Variants in MEI4 observed in about 807,000 individuals in gnomAD.
MEI4 encodes the protein meiosis-specific protein MEI4.
Under a neutral mutation model 31.4 loss-of-function variants are expected in MEI4, and 27 were observed. That is an observed-to-expected ratio of 0.86 (90% CI 0.63 to 1.19). The LOEUF is 1.19. MEI4 is among the 50% of genes most tolerant of loss of function. MEI4 has a pLI of 0.00. For synonymous variants in MEI4, 122 were observed against 145.4 expected, an observed-to-expected ratio of 0.84 and a Z score of 1.16; for missense variants, 329 against 398.9, an observed-to-expected ratio of 0.82 and a Z score of 1.49.
chr6:77,869,279 G>T (rs1437218311), intron 4 of MEI4, among the ~76,000 whole-genome samples: 1 of 152,152 alleles, frequency 6.6e-6, no homozygotes, highest in Non-Finnish European at 1.5e-5. Flanking sequence ...AGAATAATCA[G>T]TTATGACATT....
chr6:77,764,267 A>C (rs1211494941), intron 3 of MEI4, among the ~76,000 whole-genome samples: 1 of 152,156 alleles, frequency 6.6e-6, no homozygotes, highest in African/African-American at 2.4e-5. Flanking sequence ...ATAATTGTTC[A>C]TAATACTTCC....
At chr6:77,791,103 C>G (rs1274035648) in intron 3 of MEI4, among the ~76,000 whole-genome samples, 2 of 151,996 alleles carry the variant, frequency 1.3e-5, no homozygotes, top group South Asian at 4.2e-4. Context: ...ACTAGTTCAA[C>G]CATTGTGGAA....
chr6:77,771,703 C>T lies in MEI4; in HGVS notation c.768+10038C>T, dbSNP rs1055811777. On this transcript the variant is annotated intron_variant, in intron 3 of 4. Coordinates refer to ENST00000684080, the MANE Select transcript of MEI4 (RefSeq NM_001322247.2). Reference sequence around the variant, plus strand: ...ACAAAGCAACAGAAATGAAATATTACATGTTCTCACTTATAAATGGGAGCT... The same window carrying T: ...ACAAAGCAACAGAAATGAAATATTATATGTTCTCACTTATAAATGGGAGCT... Among the ~76,000 whole-genome samples, 5 of 152,042 alleles carry T rather than the reference C, an allele frequency of 3.3e-5. 1 individual carries two copies. Among genetic ancestry groups the T allele is most frequent in the African/African-American group, 1.2e-4 (5 of 41,430 alleles).
chr6:77,883,807 G>A (rs1771559258), intron 4 of MEI4, among the ~76,000 whole-genome samples: 1 of 134,722 alleles, frequency 7.4e-6, no homozygotes, highest in Non-Finnish European at 1.6e-5. Flanking sequence ...TGTTGGCTAA[G>A]GTGAATAGTG....
Position 77,818,699 on chromosome 6 carries a change from C to G in MEI4, c.769-10232C>G, listed in dbSNP as rs116795346. ...TAGATTTAACCTAATTTTACCTATT[C>G]GTACATTGTTACATTGTTGGATATT... On this transcript the variant is annotated intron_variant, in intron 3 of 4. Transcript: ENST00000684080. 9.4e-3 allele frequency among the ~76,000 whole-genome samples: 1,424 copies of G among 152,102 alleles called. 18 individuals are homozygous for G. The highest frequency in any genetic ancestry group is 0.032 in the African/African-American group (1,323 of 41,494).
chr6:77,879,684 C>A (rs948781587), intron 4 of MEI4, among the ~76,000 whole-genome samples: 5 of 152,134 alleles, frequency 3.3e-5, no homozygotes, highest in African/African-American at 1.2e-4. Context: ...CCTTTGTGGC[C>A]ATCTGCGGTA....
intron 3 of MEI4, among the ~76,000 whole-genome samples, chr6:77,806,098 C>T (rs550700958): frequency 6.6e-6 from 1 of 151,944 alleles, no homozygotes; most frequent in African/African-American, 2.4e-5. Context: ...ATAGTCTTGG[C>T]CAAAAGAAAA....
chr6:77,908,711 TAAAAC>T (rs1043441702), intron 4 of MEI4, among the ~76,000 whole-genome samples: 1 of 152,020 alleles, frequency 6.6e-6, no homozygotes, highest in Non-Finnish European at 1.5e-5. Context: ...TAGTCTCTGA[TAAAAC>T]AGACTTTAAA....
intron 4 of MEI4, among the ~76,000 whole-genome samples, chr6:77,913,147 C>T (rs920918181): frequency 1.1e-4 from 17 of 152,202 alleles, no homozygotes; most frequent in African/African-American, 3.4e-4. Flanking sequence ...TCTACTTGAT[C>T]GCAGTGTATT....
chr6:77,872,063 G>C (rs1470220291), intron 4 of MEI4, among the ~76,000 whole-genome samples: 1 of 152,136 alleles, frequency 6.6e-6, no homozygotes, highest in Non-Finnish European at 1.5e-5. Flanking sequence ...TTAAATTATA[G>C]TAATATAAGG....
chr6:77,840,716 C>T (rs977071381), intron 4 of MEI4, among the ~76,000 whole-genome samples: 2 of 151,562 alleles, frequency 1.3e-5, no homozygotes, highest in African/African-American at 4.9e-5. Flanking sequence ...TCTAGTGTAC[C>T]CATTACCAAA....
intron 2 of MEI4, among the ~76,000 whole-genome samples, chr6:77,722,423 G>A (rs1222710017): frequency 6.6e-6 from 1 of 151,552 alleles, no homozygotes; most frequent in African/African-American, 2.4e-5. Context: ...CCAAGTTAAT[G>A]GTATGGGTTT....
chr6:77,823,170 A>ATATTTT (rs1211694093), intron 3 of MEI4, among the ~76,000 whole-genome samples: 30 of 152,280 alleles, frequency 2.0e-4, no homozygotes, highest in Admixed American at 1.9e-3. Flanking sequence ...TTTTTAAAAC[A>ATATTTT]ACATTTTATG....
chr6:77,753,858 C>T (rs1767845877), intron 2 of MEI4, among the ~76,000 whole-genome samples: 2 of 152,122 alleles, frequency 1.3e-5, no homozygotes, highest in South Asian at 4.1e-4. Flanking sequence ...ACCCAAATAC[C>T]CATCAATGAT....
chr6:77,909,190 T>C (rs1581970910), intron 4 of MEI4, among the ~76,000 whole-genome samples: 1 of 151,948 alleles, frequency 6.6e-6, no homozygotes, highest in East Asian at 1.9e-4. Context: ...GAACTCAGGA[T>C]TAAGAAACTC....
intron 2 of MEI4, among the ~76,000 whole-genome samples, chr6:77,757,133 T>G (rs1767936626): frequency 6.6e-6 from 1 of 152,230 alleles, no homozygotes; most frequent in Non-Finnish European, 1.5e-5. Context: ...GTTTCCTAAT[T>G]GGCAAATTAG....
intron 4 of MEI4, among the ~76,000 whole-genome samples, chr6:77,890,504 T>A (rs1771734222): frequency 6.6e-6 from 1 of 152,184 alleles, no homozygotes; most frequent in South Asian, 2.1e-4. Flanking sequence ...TTACTTTTGA[T>A]TTTACAGGCT....
chr6:77,909,593 G>T (rs1766383709), intron 4 of MEI4, among the ~76,000 whole-genome samples: 1 of 152,044 alleles, frequency 6.6e-6, no homozygotes, highest in African/African-American at 2.4e-5. Flanking sequence ...AAAAGTCCAG[G>T]ACCAGATGGA....
At chr6:77,751,810 C>A (rs1021257423) in intron 2 of MEI4, among the ~76,000 whole-genome samples, 1 of 151,972 alleles carries the variant, frequency 6.6e-6, no homozygotes, top group South Asian at 2.1e-4. Flanking sequence ...AGAGACACAA[C>A]AAAAAAAGAA....
Sources: allele counts gnomAD v4.1 joint callset (sites outside exome capture counted in the v4.1 genomes callset), GRCh38; gene constraint gnomAD v4.1.1; transcripts MANE v1.5; gene names NCBI Gene and HGNC (gene_info 2026-07-23, HGNC 2026-07-21).